ANGPT1: variants seen among roughly 807,000 people sequenced by gnomAD.
ANGPT1 encodes the protein angiopoietin 1.
ANGPT1 carries 17 observed loss-of-function variants against 62.2 expected under a neutral mutation model. The ratio of observed to expected loss-of-function variants is 0.27; its 90% CI spans 0.19 to 0.41. The LOEUF (loss-of-function observed/expected upper bound fraction) is 0.41. Among genes scored for constraint, ANGPT1 ranks in the 10% least tolerant of loss-of-function variants. The pLI, the probability that ANGPT1 is intolerant of heterozygous loss-of-function variation, is 1.00. For missense variants in ANGPT1, 478 were observed against 594.9 expected, an observed-to-expected ratio of 0.80 and a Z score of 2.04; for synonymous variants, 199 against 198.9, an observed-to-expected ratio of 1.00 and a Z score of 0.00.
intron 8 of ANGPT1, among the ~76,000 whole-genome samples, chr8:107,253,395 C>T (rs566797090): frequency 6.6e-6 from 1 of 152,280 alleles, no homozygotes; most frequent in African/African-American, 2.4e-5. Context: ...TTATAAAAAG[C>T]ATTCTAATAT....
At chr8:107,374,895 C>A (rs1458658278) in intron 1 of ANGPT1, among the ~76,000 whole-genome samples, 1 of 152,146 alleles carries the variant, frequency 6.6e-6, no homozygotes, top group Non-Finnish European at 1.5e-5. Flanking sequence ...GGCGCGGTGG[C>A]TCACGCCTGT....
intron 1 of ANGPT1, among the ~76,000 whole-genome samples, chr8:107,434,610 A>C (rs1008769960): frequency 9.0e-6 from 1 of 111,220 alleles, no homozygotes; most frequent in African/African-American, 3.7e-5. Context: ...AAAAGAAAAA[A>C]ATACTAAACT....
At chr8:107,311,995 C>T (rs555259100) in intron 4 of ANGPT1, among the ~76,000 whole-genome samples, 3 of 145,674 alleles carry the variant, frequency 2.1e-5, no homozygotes, top group South Asian at 2.2e-4. Flanking sequence ...ACCTGGGAGG[C>T]GGAGCTTGCA....
At chr8:107,423,683 A>G (rs151118725) in intron 1 of ANGPT1, among the ~76,000 whole-genome samples, 4 of 152,108 alleles carry the variant, frequency 2.6e-5, no homozygotes, top group Middle Eastern at 3.4e-3. Context: ...TACATGTAAC[A>G]TTACCTAGCA....
At chr8:107,435,925 C>T (rs1258828643) in intron 1 of ANGPT1, among the ~76,000 whole-genome samples, 1 of 152,168 alleles carries the variant, frequency 6.6e-6, no homozygotes, top group Admixed American at 6.5e-5. Context: ...GTTGATTAGA[C>T]AGGGTCCCAT....
chr8:107,258,905 A>C (rs1217563958), intron 8 of ANGPT1, among the ~76,000 whole-genome samples: 4 of 152,154 alleles, frequency 2.6e-5, no homozygotes, highest in African/African-American at 9.7e-5. Flanking sequence ...AATAATTTGT[A>C]ATTTTGCAAT....
intron 1 of ANGPT1, among the ~76,000 whole-genome samples, chr8:107,477,341 T>C (rs1048229029): frequency 6.6e-6 from 1 of 152,196 alleles, no homozygotes; most frequent in Non-Finnish European, 1.5e-5. Flanking sequence ...ATCATGATAT[T>C]GTAACAGAAC....
At chr8:107,333,352 T>C (rs1016435583) in intron 3 of ANGPT1, among the ~76,000 whole-genome samples, 2 of 152,072 alleles carry the variant, frequency 1.3e-5, no homozygotes, top group Admixed American at 1.3e-4. Flanking sequence ...AATGCCATAC[T>C]TGAGGGGTCC....
intron 7 of ANGPT1, among the ~76,000 whole-genome samples, chr8:107,277,563 TAAGA>T (rs1813894763): frequency 6.6e-6 from 1 of 152,190 alleles, no homozygotes. Flanking sequence ...TGATCCTTTG[TAAGA>T]ATTTTGGAGA....
At chr8:107,414,711 C>G (rs1810692092) in intron 1 of ANGPT1, among the ~76,000 whole-genome samples, 1 of 152,176 alleles carries the variant, frequency 6.6e-6, no homozygotes, top group Non-Finnish European at 1.5e-5. Flanking sequence ...TAGTATAGCA[C>G]TTCCCACTTC....
Position 107,496,129 on chromosome 8 carries a change from G to C in ANGPT1, c.297+1133C>G, listed in dbSNP as rs548869511. On this transcript the variant is annotated intron_variant, in intron 1 of 8. Coordinates refer to ENST00000517746, the MANE Select transcript of ANGPT1 (RefSeq NM_001146.5). ...TTTATCTTTTTAAAGGGATTGCCCG[G>C]TTAACAGACTAACTTAAAGAAGCCT... 2.0e-4 allele frequency among the ~76,000 whole-genome samples: 31 copies of C among 152,292 alleles called. 1 individual carries two copies. The South Asian group carries it at 5.0e-3, about 24-fold the overall frequency.
chr8:107,436,272 C>A (rs143182632), intron 1 of ANGPT1, among the ~76,000 whole-genome samples: 111 of 152,298 alleles, frequency 7.3e-4, no homozygotes, highest in African/African-American at 2.5e-3. Flanking sequence ...CAAGGCCACA[C>A]AGTATTCACA....
At chr8:107,384,396 G>A (rs183018410) in intron 1 of ANGPT1, among the ~76,000 whole-genome samples, 1 of 152,010 alleles carries the variant, frequency 6.6e-6, no homozygotes, top group Admixed American at 6.6e-5. Context: ...GCATATAAAA[G>A]TTCTTCATAA....
chr8:107,497,149 C>T (rs1813124485), intron 1 of ANGPT1, 113 bp downstream of exon 1: 3 of 1,248,088 alleles, frequency 2.4e-6, no homozygotes, highest in African/African-American at 1.5e-5. Flanking sequence ...CAAACACTGC[C>T]CCCCTGGAGC....
At chr8:107,374,599 G>C (rs762218498) in intron 1 of ANGPT1, among the ~76,000 whole-genome samples, 2 of 152,188 alleles carry the variant, frequency 1.3e-5, no homozygotes, top group African/African-American at 2.4e-5. Flanking sequence ...CATTATATGG[G>C]CTACTGGTGG....
At chr8:107,371,614 T>C (rs1429216848) in intron 1 of ANGPT1, among the ~76,000 whole-genome samples, 4 of 135,960 alleles carry the variant, frequency 2.9e-5, no homozygotes, top group Admixed American at 2.6e-4. Flanking sequence ...TCTAGTCCTG[T>C]TGCCCAGGCT....
intron 1 of ANGPT1, among the ~76,000 whole-genome samples, chr8:107,399,956 G>T (rs376726705): frequency 4.6e-5 from 7 of 152,098 alleles, no homozygotes; most frequent in African/African-American, 1.7e-4. Flanking sequence ...AAATTAGAGC[G>T]CTAGGTTTCT....
In ANGPT1 at chr8:107,303,371, CAA is replaced by C. The variant is rs149628829; in HGVS notation, c.809-6_809-5del. 5,904 of 1,399,820 alleles carry C rather than the reference CAA, an allele frequency of 4.2e-3. No homozygotes were observed. The highest frequency in any genetic ancestry group is 9.7e-3 in the South Asian group (729 of 75,198). 86.7% of individuals were successfully genotyped at this position (1,399,820 alleles called of 1,614,324 possible). A position where few individuals can be genotyped will look rare whatever the true frequency, so the allele number is the denominator to read the frequency against. On this transcript the variant is annotated splice_polypyrimidine_tract_variant and splice_region_variant and intron_variant, in intron 4 of 8. Transcript: ENST00000517746. The stretch of plus-strand genomic sequence containing the variant: ...CTTTTTCCTCCCTTTAGTAAAACTG[CAA>C]AAAAAAAAAAAAAGATTGCAATATG...
intron 1 of ANGPT1, among the ~76,000 whole-genome samples, chr8:107,421,268 C>T (rs1311891378): frequency 6.6e-6 from 1 of 152,094 alleles, no homozygotes. Flanking sequence ...GAAAAATTGT[C>T]TTGTCTTTTC....
Sources: gnomAD v4.1 joint callset for allele counts (sites outside exome capture counted in the v4.1 genomes callset) on GRCh38, gnomAD v4.1.1 for gene constraint, MANE v1.5 for transcripts, NCBI Gene and HGNC (gene_info 2026-07-23, HGNC 2026-07-21) for gene names.